Variants in WWOX observed in about 807,000 individuals in gnomAD.
WWOX encodes WW domain containing oxidoreductase, also known as WW domain-containing oxidoreductase.
A neutral mutation model predicts 46.2 loss-of-function variants in WWOX; 69 were observed. The ratio of observed to expected loss-of-function variants is 1.49; its 90% CI spans 1.23 to 1.82. The LOEUF (loss-of-function observed/expected upper bound fraction) is 1.82, where lower values mean the gene tolerates loss of function less well. Ranked by LOEUF, WWOX falls within the 40% of genes most tolerant of loss-of-function variation. WWOX has a pLI of 0.00. For missense variants in WWOX, 919 were observed against 542.6 expected, an observed-to-expected ratio of 1.69 and a Z score of -6.89; for synonymous variants, 359 against 202.6, an observed-to-expected ratio of 1.77 and a Z score of -6.56.
At chr16:78,521,044 C>G (rs920277978) in intron 8 of WWOX, among the ~76,000 whole-genome samples, 2 of 152,304 alleles carry the variant, frequency 1.3e-5, no homozygotes, top group African/African-American at 4.8e-5. Context: ...TCTGGAAACA[C>G]ACTCCCTGAG....
chr16:78,170,316 A>T (rs1045293090), intron 5 of WWOX, among the ~76,000 whole-genome samples: 1 of 152,212 alleles, frequency 6.6e-6, no homozygotes, highest in Non-Finnish European at 1.5e-5. Context: ...AATGCACATC[A>T]TAATATCTCT....
At chr16:78,857,970 C>A (rs952728809) in intron 8 of WWOX, among the ~76,000 whole-genome samples, 1 of 151,922 alleles carries the variant, frequency 6.6e-6, no homozygotes, top group Non-Finnish European at 1.5e-5. Context: ...GCTTTTTTAG[C>A]GTTATTTTGT....
At chr16:79,186,972 T>A (rs145910085) in intron 8 of WWOX, among the ~76,000 whole-genome samples, 1 of 152,168 alleles carries the variant, frequency 6.6e-6, no homozygotes. Flanking sequence ...TATCATAATA[T>A]GAAGAATTTC....
intron 8 of WWOX, among the ~76,000 whole-genome samples, chr16:78,769,549 ATT>A (rs1358014499): frequency 2.4e-5 from 1 of 42,112 alleles, no homozygotes; most frequent in Non-Finnish European, 4.4e-5. Flanking sequence ...TTATTTATTT[ATT>A]TATTTATTTA....
At chr16:78,938,506 G>T (rs758804263) in intron 8 of WWOX, among the ~76,000 whole-genome samples, 2 of 141,486 alleles carry the variant, frequency 1.4e-5, no homozygotes, top group South Asian at 4.8e-4. Context: ...GTCTCGGTGG[G>T]CCTGTTTGAG....
chr16:78,874,714 C>G (rs2044201092), intron 8 of WWOX, among the ~76,000 whole-genome samples: 1 of 107,378 alleles, frequency 9.3e-6, no homozygotes, highest in African/African-American at 3.6e-5. Context: ...TTTTGGCTGA[C>G]TGTCATGACT....
chr16:78,452,475 CT>C (rs397945707), intron 8 of WWOX, among the ~76,000 whole-genome samples: 7,661 of 125,994 alleles, frequency 0.061, 226 homozygotes, highest in South Asian at 0.13. Context: ...CTCTCTCTCT[CT>C]TTTTTTTTTT....
chr16:78,996,099 A>G (rs1174456966), intron 8 of WWOX: 15 of 595,144 alleles, frequency 2.5e-5, no homozygotes, highest in Non-Finnish European at 3.0e-5. Flanking sequence ...TGAAATCAGA[A>G]CGTGGCCCCT....
intron 8 of WWOX, among the ~76,000 whole-genome samples, chr16:79,152,428 T>G (rs954781319): frequency 6.6e-6 from 1 of 151,860 alleles, no homozygotes; most frequent in Non-Finnish European, 1.5e-5. Context: ...TCCCAGCACT[T>G]TGGGACGATG....
At position 78,570,824 on chromosome 16, in the gene WWOX, T is replaced by G. The variant is rs370537559; in HGVS notation, c.1056+138072T>G. On this transcript the variant is annotated intron_variant, in intron 8 of 8. Transcript: ENST00000566780. ...AACATGGCACTGGGCTGGAAATGAA[T>G]GGCAGGGGAGAAGGCGGGCGGGGCA... Among the ~76,000 whole-genome samples the G allele has an allele frequency of 7.9e-5, 12 of 152,212 alleles. No homozygotes were observed. The East Asian group carries it at 1.7e-3, about 22-fold the overall frequency.
At chr16:78,970,568 T>A (rs531165358) in intron 8 of WWOX, among the ~76,000 whole-genome samples, 1 of 152,308 alleles carries the variant, frequency 6.6e-6, no homozygotes. Flanking sequence ...AGTATGGAAG[T>A]GGAAGAGTAA....
chr16:78,368,428 C>T (rs944703058), intron 5 of WWOX, among the ~76,000 whole-genome samples: 1 of 152,132 alleles, frequency 6.6e-6, no homozygotes, highest in South Asian at 2.1e-4. Context: ...TCACTGCTGT[C>T]CTTTGGTTTT....
chr16:78,746,463 A>T (rs2049348996), intron 8 of WWOX, among the ~76,000 whole-genome samples: 1 of 152,010 alleles, frequency 6.6e-6, no homozygotes, highest in African/African-American at 2.4e-5. Context: ...ATGCCACTAC[A>T]CTCCAGTACA....
chr16:78,376,145 C>T (rs776745548), intron 5 of WWOX, among the ~76,000 whole-genome samples: 1 of 152,152 alleles, frequency 6.6e-6, no homozygotes, highest in African/African-American at 2.4e-5. Flanking sequence ...CCACCACGCC[C>T]AGCCGCTTCT....
chr16:78,894,514 G>A (rs1356644823), intron 8 of WWOX, among the ~76,000 whole-genome samples: 4 of 152,176 alleles, frequency 2.6e-5, no homozygotes, highest in Non-Finnish European at 5.9e-5. Context: ...TTGGCTTTCT[G>A]CTCTACCTAG....
chr16:78,961,422 A>G (rs1200251049), intron 8 of WWOX, among the ~76,000 whole-genome samples: 4 of 152,122 alleles, frequency 2.6e-5, no homozygotes, highest in African/African-American at 9.7e-5. Context: ...CAGCAGATAT[A>G]TAGCTATGGG....
At chr16:78,855,911 T>C (rs965994275) in intron 8 of WWOX, among the ~76,000 whole-genome samples, 2 of 152,166 alleles carry the variant, frequency 1.3e-5, no homozygotes, top group South Asian at 4.2e-4. Flanking sequence ...TCGAAGTCTT[T>C]TACAGAAGAC....
At chr16:79,083,617 C>G (rs548678147) in intron 8 of WWOX, among the ~76,000 whole-genome samples, 35 of 152,310 alleles carry the variant, frequency 2.3e-4, no homozygotes, top group African/African-American at 4.8e-4. Context: ...ATTACAGGCT[C>G]TAATGCACGA....
rs528910883 is a variant in WWOX at position 78,393,105 on chromosome 16, G to T, written c.605+6157G>T. Among the ~76,000 whole-genome samples, 4 of 152,278 alleles carry T rather than the reference G, an allele frequency of 2.6e-5. No homozygotes were observed. In the East Asian group the frequency reaches 7.7e-4, roughly 29 times the overall value. On this transcript the variant is annotated intron_variant, in intron 6 of 8. Coordinates refer to ENST00000566780, the MANE Select transcript of WWOX (RefSeq NM_016373.4). Reference sequence around the variant, plus strand: ...TTTGTTTAAACTGCATTCCTGGAGAGGAGCCAGACTTCCTACTGCCTGGCA... The same window carrying T: ...TTTGTTTAAACTGCATTCCTGGAGATGAGCCAGACTTCCTACTGCCTGGCA...
Sources: gnomAD v4.1 joint callset for allele counts (sites outside exome capture counted in the v4.1 genomes callset) on GRCh38, gnomAD v4.1.1 for gene constraint, MANE v1.5 for transcripts, NCBI Gene and HGNC (gene_info 2026-07-23, HGNC 2026-07-21) for gene names.